BTAF1: variants seen among roughly 807,000 people sequenced by gnomAD.
BTAF1 encodes B-TFIID TATA-box binding protein associated factor 1, also known as TATA-binding protein-associated factor 172.
Under a neutral mutation model 227.1 loss-of-function variants are expected in BTAF1, and 38 were observed. The observed-to-expected ratio is 0.17, with a 90% confidence interval of 0.13 to 0.22. The LOEUF (loss-of-function observed/expected upper bound fraction) is 0.22, where lower values mean the gene tolerates loss of function less well. Ranked by LOEUF, BTAF1 falls within the 10% of genes least tolerant of loss-of-function variation. BTAF1 has a pLI of 1.00. For missense variants in BTAF1, 1,598 were observed against 2,204.0 expected (o/e 0.73, Z 5.51); for synonymous variants, 742 against 751.9 (o/e 0.99, Z 0.21).
chr10:92,026,518 C>T, intron 35 of BTAF1, 74 bp from the exon 36 acceptor site: 2 of 1,243,652 alleles, frequency 1.6e-6, no homozygotes, highest in Admixed American at 2.6e-5. Context: ...CATTTGTGCT[C>T]TTTAATTTTT....
At chr10:92,024,686 A>T in intron 34 of BTAF1, 70 bp from the exon 35 acceptor site, 1 of 1,207,176 alleles carries the variant, frequency 8.3e-7, no homozygotes, top group Non-Finnish European at 1.2e-6. Flanking sequence ...ACAGAGAGGA[A>T]TGTCACAGTG....
rs142270436 is a variant in BTAF1 at position 91,987,192 on chromosome 10, CAT to C, written c.2428-1961_2428-1960del. On this transcript the variant is annotated intron_variant, in intron 19 of 37. Transcript: ENST00000265990. The stretch of plus-strand genomic sequence containing the variant: ...GTCAGCATTTTCTTTCAGAAAGTCT[CAT>C]GTGTTTAGGCCGGGCGCAGTGGCTC... Among the ~76,000 whole-genome samples, 53 of 147,908 alleles carry C rather than the reference CAT, an allele frequency of 3.6e-4. 1 individual carries two copies. In the East Asian group the frequency reaches 9.6e-3, roughly 27 times the overall value.
intron 25 of BTAF1, among the ~76,000 whole-genome samples, chr10:92,001,133 T>C (rs941453306): frequency 6.6e-6 from 1 of 152,148 alleles, no homozygotes; most frequent in African/African-American, 2.4e-5. Context: ...ACAAATGAAG[T>C]GCCCTAGCTT....
At chr10:92,023,674 ACT>A (rs1177867697) in intron 34 of BTAF1, among the ~76,000 whole-genome samples, 1 of 151,658 alleles carries the variant, frequency 6.6e-6, no homozygotes, top group Non-Finnish European at 1.5e-5. Context: ...ATAGAGGGAG[ACT>A]CTGTCTCTAA....
At chr10:92,001,306 G>A (rs183127232) in intron 25 of BTAF1, among the ~76,000 whole-genome samples, 91 of 152,304 alleles carry the variant, frequency 6.0e-4, no homozygotes, top group Non-Finnish European at 1.0e-3. Flanking sequence ...GGTCCACAGG[G>A]GGGTTCTCCC....
intron 25 of BTAF1, among the ~76,000 whole-genome samples, chr10:92,001,981 TATATACACACACAC>T (rs1372688510): frequency 4.3e-5 from 4 of 92,868 alleles, no homozygotes; most frequent in South Asian, 4.1e-4. Flanking sequence ...TATATATATA[TATATACACACACAC>T]ACACACACAC....
At position 91,962,658 on chromosome 10, in the gene BTAF1, G is replaced by A; in HGVS notation, c.1384G>A (p.Val462Ile). The change falls in exon 12 of 38, where the codon GTC (valine) becomes ATC (isoleucine). Residue 462 changes from valine (V) to isoleucine (I), a missense_variant. Val to Ile is a conservative substitution (Grantham distance 29). Coordinates refer to ENST00000265990, the MANE Select transcript of BTAF1 (RefSeq NM_003972.3). ...ATTAGTGCCTGTAGTAGAAAGCCTT[G>A]TCTATCTTCAGACACAAAAGGTAAA... ...ASLVPVVESL[V>I]YLQTQKVPFI... 1 of 1,596,138 alleles carries A rather than the reference G, an allele frequency of 6.3e-7. No homozygotes were observed. Among genetic ancestry groups the A allele is most frequent in the Non-Finnish European group, 8.5e-7 (1 of 1,173,630 alleles).
chr10:91,959,776 T>A lies in BTAF1; in HGVS notation c.991-9T>A, dbSNP rs1846377470. 8.1e-7 allele frequency: 1 copy of A among 1,228,382 alleles called. No individual in the cohort carries two copies. 76.1% of individuals were successfully genotyped at this position (1,228,382 alleles called of 1,614,324 possible). On this transcript the variant is annotated splice_polypyrimidine_tract_variant and intron_variant, in intron 9 of 37. Coordinates refer to ENST00000265990, the MANE Select transcript of BTAF1 (RefSeq NM_003972.3). Reference sequence around the variant, plus strand: ...TATATATATATATATATATATTATATTTTAACAGATGATTCAGCAGCATCA... The same window carrying A: ...TATATATATATATATATATATTATAATTTAACAGATGATTCAGCAGCATCA...
In BTAF1 at chr10:92,028,876, T is replaced by A. The variant is rs573313152; in HGVS notation, c.5493T>A (p.Asp1831Glu). 4 of 1,609,676 alleles carry A rather than the reference T, an allele frequency of 2.5e-6. No individual in the cohort carries two copies. In the East Asian group the frequency reaches 9.0e-5, roughly 36 times the overall value. The change falls in exon 38 of 38, where the codon GAT (aspartate) becomes GAA (glutamate). Residue 1831 changes from aspartate (D) to glutamate (E), a missense_variant. By Grantham distance (45) the Asp-to-Glu change is conservative. Around this residue, in one of 10 missense-constraint regions of BTAF1, gnomAD observed 79 missense variants for 97.9 expected, o/e 0.81. Coordinates refer to ENST00000265990, the MANE Select transcript of BTAF1 (RefSeq NM_003972.3). ...SILENLSDLW[D>E]QEQYDSEYSL... is the part of the protein sequence containing the mutation. ...TTGAAAACCTGAGTGATCTTTGGGA[T>A]CAAGAGCAGTATGATTCAGAGTACA...
chr10:92,007,108 TCA>T (rs1186326482), intron 25 of BTAF1, among the ~76,000 whole-genome samples: 22 of 151,722 alleles, frequency 1.5e-4, no homozygotes, highest in Admixed American at 5.9e-4. Context: ...GCAGCAGAAT[TCA>T]CAGTTTTTTT....
chr10:92,000,798 C>T (rs1849472387), intron 25 of BTAF1, among the ~76,000 whole-genome samples: 1 of 152,166 alleles, frequency 6.6e-6, no homozygotes, highest in Admixed American at 6.5e-5. Context: ...AGGTGATCCG[C>T]CCACCTCAGC....
chr10:92,023,284 T>C (rs891336433), intron 34 of BTAF1, among the ~76,000 whole-genome samples: 1 of 152,244 alleles, frequency 6.6e-6, no homozygotes, highest in African/African-American at 2.4e-5. Context: ...CTAAGTGTTT[T>C]ACATTGAGTT....
At chr10:92,012,111 C>T (rs1222830831) in intron 30 of BTAF1, among the ~76,000 whole-genome samples, 2 of 86,724 alleles carry the variant, frequency 2.3e-5, no homozygotes, top group Non-Finnish European at 4.6e-5. Context: ...CCTCCCTCCC[C>T]TCCTGTCCCC....
intron 34 of BTAF1, among the ~76,000 whole-genome samples, chr10:92,024,346 C>T (rs1281186790): frequency 6.6e-6 from 1 of 152,072 alleles, no homozygotes; most frequent in East Asian, 1.9e-4. Flanking sequence ...TTTATTGAGG[C>T]TTTAGTCTCA....
chr10:91,924,003 A>AGC lies in BTAF1; in HGVS notation c.-73_-72dup. 6.4e-7 allele frequency: 1 copy of AGC among 1,562,850 alleles called. No individual in the cohort carries two copies. Among genetic ancestry groups the AGC allele is most frequent in the Non-Finnish European group, 8.6e-7 (1 of 1,158,116 alleles). On this transcript the variant is annotated 5_prime_UTR_variant, in exon 1 of 38. An upstream open reading frame in the 5' UTR gains an earlier in-frame stop. Coordinates refer to ENST00000265990, the MANE Select transcript of BTAF1 (RefSeq NM_003972.3). ...TCCGCGGCCTGGGCCTGCGCCGCTC[A>AGC]GCTCTCTGGAAACTAGCGCCTCAGC...
chr10:91,940,864 A>G (rs553331239), intron 3 of BTAF1, among the ~76,000 whole-genome samples: 4 of 151,228 alleles, frequency 2.6e-5, no homozygotes, highest in Non-Finnish European at 5.9e-5. Flanking sequence ...TTGTATTTTT[A>G]GTACAGATTG....
At position 91,942,665 on chromosome 10, in the gene BTAF1, G is replaced by T. The variant is rs1845095009; in HGVS notation, c.400+97G>T. On this transcript the variant is annotated intron_variant, in intron 4 of 37. Coordinates refer to ENST00000265990, the MANE Select transcript of BTAF1 (RefSeq NM_003972.3). The stretch of plus-strand genomic sequence containing the variant: ...TCATTAGTCACACGTAAACTAACAT[G>T]TCATGAAATGTAAATTAACTGAAGT... 4.5e-6 allele frequency: 6 copies of T among 1,329,906 alleles called. No individual in the cohort carries two copies. In the South Asian group the frequency reaches 7.3e-5, roughly 16 times the overall value. The allele number at this position is 1,329,906 out of a possible 1,614,324, so 82.4% of individuals were successfully genotyped here.
chr10:91,972,030 T>A (rs1430112086), intron 14 of BTAF1, among the ~76,000 whole-genome samples: 1 of 152,198 alleles, frequency 6.6e-6, no homozygotes, highest in Non-Finnish European at 1.5e-5. Context: ...ATTATCATCC[T>A]TTCTCCAGTA....
Position 92,028,669 on chromosome 10 carries a change from C to T in BTAF1, c.5407-121C>T, listed in dbSNP as rs974049446. ...TTGGAGATCATGAATTTCCCCATCACTTGAAGTACTCAATTCTGTTGAATA... is the reference window on the plus strand; with the variant it reads ...TTGGAGATCATGAATTTCCCCATCATTTGAAGTACTCAATTCTGTTGAATA... On this transcript the variant is annotated intron_variant, in intron 37 of 37. Coordinates refer to ENST00000265990, the MANE Select transcript of BTAF1 (RefSeq NM_003972.3). The T allele has an allele frequency of 3.1e-6, 3 of 961,704 alleles. No homozygotes were observed. In the African/African-American group the frequency reaches 5.2e-5, roughly 17 times the overall value. The allele number at this position is 961,704 out of a possible 1,614,324, so 59.6% of individuals were successfully genotyped here.
Sources: allele counts gnomAD v4.1 joint callset (sites outside exome capture counted in the v4.1 genomes callset), GRCh38; gene constraint gnomAD v4.1.1; regional missense constraint gnomAD v4.1.1; transcripts MANE v1.5; gene names NCBI Gene and HGNC (gene_info 2026-07-23, HGNC 2026-07-21).